Variants in ELAVL2 observed in about 807,000 individuals in gnomAD.
ELAVL2 encodes the protein ELAV-like protein 2.
A neutral mutation model predicts 34.6 loss-of-function variants in ELAVL2; 4 were observed. That is an observed-to-expected ratio of 0.12 (90% CI 0.06 to 0.26). The LOEUF (loss-of-function observed/expected upper bound fraction) is 0.26. ELAVL2 is among the 10% of genes least tolerant of loss of function. ELAVL2 has a pLI of 1.00. For missense variants in ELAVL2, 432 were observed against 442.8 expected (o/e 0.98, Z 0.22); for synonymous variants, 193 against 154.8 (o/e 1.25, Z -1.83).
At chr9:23,695,446 T>A (rs2034819373) in intron 5 of ELAVL2, among the ~76,000 whole-genome samples, 1 of 151,982 alleles carries the variant, frequency 6.6e-6, no homozygotes, top group Admixed American at 6.6e-5. Context: ...GACAGATGAG[T>A]TTTCAGAATT....
the ELAVL2 span, among the ~76,000 whole-genome samples, chr9:23,849,161 T>A: frequency 2.6e-5 from 4 of 152,286 alleles, no homozygotes; most frequent in Admixed American, 6.5e-5. Context: ...ATCCATGGAA[T>A]ATACCTCCTA....
intron 1 of ELAVL2, among the ~76,000 whole-genome samples, chr9:23,801,333 C>A (rs1030053361): frequency 1.6e-4 from 24 of 152,070 alleles, no homozygotes; most frequent in African/African-American, 2.4e-5. Context: ...TTTTTTAAAG[C>A]TACAAGGGAT....
chr9:23,779,909 G>A (rs991984172), intron 1 of ELAVL2, among the ~76,000 whole-genome samples: 1 of 142,184 alleles, frequency 7.0e-6, no homozygotes, highest in Non-Finnish European at 1.5e-5. Context: ...AAACCTTTAA[G>A]GTTGCAGAGT....
At chr9:23,754,529 G>C (rs1419013446) in intron 2 of ELAVL2, among the ~76,000 whole-genome samples, 1 of 151,972 alleles carries the variant, frequency 6.6e-6, no homozygotes, top group East Asian at 1.9e-4. Flanking sequence ...CACGATCTCA[G>C]TTCACTGCAA....
At chr9:23,751,558 G>C (rs1388333549) in intron 2 of ELAVL2, among the ~76,000 whole-genome samples, 1 of 152,116 alleles carries the variant, frequency 6.6e-6, no homozygotes, top group African/African-American at 2.4e-5. Flanking sequence ...ACAGGTCTCT[G>C]TATATCTAGA....
rs1017779036 is a variant in ELAVL2, at chr9:23,690,239, T to A, written c.*2318A>T. On this transcript the variant is annotated 3_prime_UTR_variant, in exon 7 of 7. Coordinates refer to ENST00000397312, the MANE Select transcript of ELAVL2 (RefSeq NM_004432.5). Reference sequence around the variant, plus strand: ...ATTCCAACAGATGTGAATTAAGTCATACTGTACAACTTCAAATAAATACCA... The same window carrying A: ...ATTCCAACAGATGTGAATTAAGTCAAACTGTACAACTTCAAATAAATACCA... 6.6e-6 allele frequency: 1 copy of A among 152,616 alleles called. No homozygotes were observed. Among genetic ancestry groups the A allele is most frequent in the Non-Finnish European group, 1.5e-5 (1 of 68,034 alleles). The allele number at this position is 152,616 out of a possible 1,614,324, so 9.5% of individuals were successfully genotyped here.
chr9:23,731,355 C>T (rs1301856642), intron 2 of ELAVL2, among the ~76,000 whole-genome samples: 1 of 151,774 alleles, frequency 6.6e-6, no homozygotes, highest in Non-Finnish European at 1.5e-5. Flanking sequence ...AAAAAACACA[C>T]ATCCCCAAAG....
chr9:23,796,009 A>T (rs2060877359), intron 1 of ELAVL2, among the ~76,000 whole-genome samples: 1 of 152,226 alleles, frequency 6.6e-6, no homozygotes, highest in Non-Finnish European at 1.5e-5. Flanking sequence ...TTGGAATATT[A>T]TGAAAACGAA....
chr9:23,810,447 A>C (rs925737796), intron 1 of ELAVL2, among the ~76,000 whole-genome samples: 3 of 152,168 alleles, frequency 2.0e-5, no homozygotes, highest in East Asian at 3.9e-4. Flanking sequence ...CAACAACCCC[A>C]CCACTGGGGA....
At chr9:23,710,223 C>A (rs1054317452) in intron 3 of ELAVL2, among the ~76,000 whole-genome samples, 1 of 152,184 alleles carries the variant, frequency 6.6e-6, no homozygotes, top group Non-Finnish European at 1.5e-5. Flanking sequence ...ACTAATGATA[C>A]ATTAAACATA....
intron 1 of ELAVL2, among the ~76,000 whole-genome samples, chr9:23,820,948 G>A (rs973591655): frequency 1.3e-5 from 2 of 152,108 alleles, no homozygotes; most frequent in African/African-American, 4.8e-5. Flanking sequence ...ACGCGCACGA[G>A]GGGATCATCA....
chr9:23,813,689 T>C (rs1408402275), intron 1 of ELAVL2, among the ~76,000 whole-genome samples: 2 of 152,126 alleles, frequency 1.3e-5, no homozygotes, highest in Non-Finnish European at 2.9e-5. Flanking sequence ...GAGAAGCTCA[T>C]TTTATAAAAG....
the ELAVL2 span, among the ~76,000 whole-genome samples, chr9:23,839,255 AT>A: frequency 6.6e-6 from 1 of 151,826 alleles, no homozygotes; most frequent in Non-Finnish European, 1.5e-5. Flanking sequence ...ACATATATTA[AT>A]TTTCAGATAT....
chr9:23,728,124 C>T (rs1235773349), intron 3 of ELAVL2, among the ~76,000 whole-genome samples: 1 of 152,014 alleles, frequency 6.6e-6, no homozygotes, highest in African/African-American at 2.4e-5. Context: ...TGTATGACCA[C>T]CAAGATCTCC....
intron 2 of ELAVL2, among the ~76,000 whole-genome samples, chr9:23,739,672 T>C (rs1381120503): frequency 2.0e-5 from 3 of 151,878 alleles, no homozygotes; most frequent in Non-Finnish European, 2.9e-5. Flanking sequence ...TTCCTCAAAA[T>C]AGTATTGTGG....
At chr9:23,696,894 A>G (rs1450384745) in intron 5 of ELAVL2, among the ~76,000 whole-genome samples, 2 of 151,974 alleles carry the variant, frequency 1.3e-5, no homozygotes, top group East Asian at 3.9e-4. Flanking sequence ...GGTAAATATT[A>G]AAGTATCCAT....
the ELAVL2 span, among the ~76,000 whole-genome samples, chr9:23,848,808 A>G: frequency 1.3e-5 from 2 of 152,212 alleles, no homozygotes; most frequent in East Asian, 3.9e-4. Context: ...CAACAAAACA[A>G]TTCCTTTCAG....
intron 2 of ELAVL2, among the ~76,000 whole-genome samples, chr9:23,744,860 T>C (rs1240764795): frequency 1.3e-5 from 2 of 152,130 alleles, no homozygotes; most frequent in African/African-American, 2.4e-5. Flanking sequence ...CTCTCTGTCA[T>C]TGTAATCTAT....
intron 1 of ELAVL2, among the ~76,000 whole-genome samples, chr9:23,795,300 T>C (rs2060784210): frequency 6.6e-6 from 1 of 152,044 alleles, no homozygotes; most frequent in Non-Finnish European, 1.5e-5. Flanking sequence ...TCCCAGCACT[T>C]TGGGAGGCTG....
Sources: allele counts gnomAD v4.1 joint callset (sites outside exome capture counted in the v4.1 genomes callset), GRCh38; gene constraint gnomAD v4.1.1; transcripts MANE v1.5; gene names NCBI Gene and HGNC (gene_info 2026-07-23, HGNC 2026-07-21).